ATL2: variants seen among roughly 807,000 people sequenced by gnomAD.
ATL2 encodes the protein atlastin-2.
ATL2 carries 31 observed loss-of-function variants against 73.9 expected under a neutral mutation model. The ratio of observed to expected loss-of-function variants is 0.42; its 90% confidence interval spans 0.32 to 0.57. The LOEUF (loss-of-function observed/expected upper bound fraction) is 0.57, where lower values mean the gene tolerates loss of function less well. ATL2 is among the 20% of genes least tolerant of loss of function. The probability of loss-of-function intolerance (pLI) is 0.14; values close to 1 mark genes in which losing one functional copy is unlikely to be tolerated. For missense variants in ATL2, 738 were observed against 702.6 expected (o/e 1.05, Z -0.57); for synonymous variants, 291 against 237.5 (o/e 1.23, Z -2.07).
At chr2:38,346,321 C>A (rs1670013269) in intron 1 of ATL2, among the ~76,000 whole-genome samples, 1 of 152,270 alleles carries the variant, frequency 6.6e-6, no homozygotes, top group South Asian at 2.1e-4. Flanking sequence ...CTAATCTCCA[C>A]AGAGTAGCAA....
At chr2:38,361,669 T>C (rs1263269048) in intron 1 of ATL2, among the ~76,000 whole-genome samples, 1 of 152,214 alleles carries the variant, frequency 6.6e-6, no homozygotes, top group African/African-American at 2.4e-5. Flanking sequence ...GTATCTATTT[T>C]ATCTTTCTCT....
At chr2:38,307,871 C>G (rs1404626706) in intron 9 of ATL2, among the ~76,000 whole-genome samples, 1 of 152,128 alleles carries the variant, frequency 6.6e-6, no homozygotes, top group Non-Finnish European at 1.5e-5. Flanking sequence ...CATCACTGAT[C>G]ATCAGAGAAA....
At chr2:38,377,978 C>G (rs1357933098), upstream of ATL2, among the ~76,000 whole-genome samples, 1 of 152,172 alleles carries the variant, frequency 6.6e-6, no homozygotes, top group Non-Finnish European at 1.5e-5. Flanking sequence ...AGAGGCATGC[C>G]AGAAAGCACT....
chr2:38,335,452 C>G (rs1669296831), intron 2 of ATL2, among the ~76,000 whole-genome samples: 1 of 152,114 alleles, frequency 6.6e-6, no homozygotes, highest in South Asian at 2.1e-4. Context: ...TGTGCATACA[C>G]CAGCCTTAAT....
At chr2:38,352,919 C>A (rs1464940891) in intron 1 of ATL2, among the ~76,000 whole-genome samples, 1 of 152,222 alleles carries the variant, frequency 6.6e-6, no homozygotes, top group African/African-American at 2.4e-5. Context: ...CACAGACCCA[C>A]ACTAACGAAG....
chr2:38,377,403 GCCCTCCGCCTGTATCTCCTCGCCCT>G (rs1672057458), upstream of ATL2: 1 of 656,860 alleles, frequency 1.5e-6, no homozygotes, highest in African/African-American at 2.0e-5. Flanking sequence ...GTATCTCCTC[GCCCTCCGCCTGTATCTCCTCGCCCT>G]CCCTCCGCCC....
At chr2:38,307,373 T>C (rs1208532337) in intron 9 of ATL2, among the ~76,000 whole-genome samples, 2 of 149,444 alleles carry the variant, frequency 1.3e-5, no homozygotes, top group Non-Finnish European at 1.5e-5. Context: ...TTTTTTGAAA[T>C]GGAGCCTTGC....
intron 1 of ATL2, among the ~76,000 whole-genome samples, chr2:38,364,664 T>C (rs12990741): frequency 6.6e-6 from 1 of 152,234 alleles, no homozygotes; most frequent in Admixed American, 6.5e-5. Context: ...CAAGATTTTG[T>C]AGCACACGGA....
intron 1 of ATL2, among the ~76,000 whole-genome samples, chr2:38,372,154 A>C (rs1442471054): frequency 7.2e-6 from 1 of 138,382 alleles, no homozygotes; most frequent in Non-Finnish European, 1.5e-5. Flanking sequence ...AATCCTGTGC[A>C]TAACAGACCC....
chr2:38,358,843 A>G (rs1217575742), intron 1 of ATL2, among the ~76,000 whole-genome samples: 2 of 152,216 alleles, frequency 1.3e-5, no homozygotes, highest in Non-Finnish European at 2.9e-5. Context: ...CCACAAGACT[A>G]TTGCAGCCTG....
intron 2 of ATL2, among the ~76,000 whole-genome samples, chr2:38,341,050 G>A (rs1030358453): frequency 6.6e-6 from 1 of 152,128 alleles, no homozygotes; most frequent in Non-Finnish European, 1.5e-5. Flanking sequence ...GATCAGAGAT[G>A]GAAACAGAAA....
At chr2:38,310,701 A>C (rs1667712106) in intron 7 of ATL2, among the ~76,000 whole-genome samples, 1 of 149,096 alleles carries the variant, frequency 6.7e-6, no homozygotes, top group African/African-American at 2.5e-5. Flanking sequence ...GCAATGGTGC[A>C]ATCTCGGCTC....
At chr2:38,325,699 TACACACACACACACACACACACACAC>T (rs1221635411) in intron 2 of ATL2, among the ~76,000 whole-genome samples, 25 of 11,312 alleles carry the variant, frequency 2.2e-3, no homozygotes, top group African/African-American at 3.8e-3. Context: ...CACACACCAG[TACACACACACACACACACACACACAC>T]ACACACACAC....
chr2:38,294,640 CAA>C lies in ATL2; in HGVS notation c.*1352_*1353del, dbSNP rs34388748. On this transcript the variant is annotated 3_prime_UTR_variant, in exon 13 of 13. Coordinates refer to ENST00000378954, the MANE Select transcript of ATL2 (RefSeq NM_001135673.4). ...AAAATGCTAGCCTTACATATACCAC[CAA>C]AAAAAAAAAAAGAGAGAGAAAGAAA... Among the ~76,000 whole-genome samples the C allele has an allele frequency of 1.3e-3, 180 of 142,314 alleles. No homozygotes were observed. Among genetic ancestry groups the C allele is most frequent in the African/African-American group, 3.2e-3 (124 of 38,492 alleles). 93.4% of individuals were successfully genotyped at this position (142,314 alleles called of 152,430 possible). A position where few individuals can be genotyped will look rare whatever the true frequency, so the allele number is the denominator to read the frequency against.
At chr2:38,320,051 G>C (rs1033807411) in intron 2 of ATL2, among the ~76,000 whole-genome samples, 8 of 152,100 alleles carry the variant, frequency 5.3e-5, no homozygotes, top group Admixed American at 2.0e-4. Flanking sequence ...AGGTTGCAGT[G>C]AGCAGAGATC....
At position 38,318,980 on chromosome 2, in the gene ATL2, T is replaced by C. The variant is rs1242569813; in HGVS notation, c.403A>G (p.Thr135Ala). 1 of 1,614,044 alleles carries C rather than the reference T, an allele frequency of 6.2e-7. No individual in the cohort carries two copies. Among genetic ancestry groups the C allele is most frequent in the South Asian group, 1.1e-5 (1 of 91,068 alleles). ...CAGCCACCTCGCCATGTAAAGCCTG[T>C]CAATGGTTCATTGTTTCCACCAATC... is the stretch of plus-strand genomic sequence containing the variant. ...SWIGGNNEPL[T>A]GFTWRGGCER... The change falls in exon 3 of 13, where the codon ACA (threonine) becomes GCA (alanine). Residue 135 changes from threonine to alanine, a missense_variant. Thr to Ala is a moderately conservative substitution (Grantham distance 58). Coordinates refer to ENST00000378954, the MANE Select transcript of ATL2 (RefSeq NM_001135673.4).
At chr2:38,348,599 T>C (rs1297740230) in intron 1 of ATL2, among the ~76,000 whole-genome samples, 4 of 151,754 alleles carry the variant, frequency 2.6e-5, no homozygotes, top group Non-Finnish European at 5.9e-5. Flanking sequence ...TTGCTCTTAT[T>C]GTAAAGAAAG....
chr2:38,337,515 A>AAAAAAC (rs1669437714), intron 2 of ATL2, among the ~76,000 whole-genome samples: 1 of 146,624 alleles, frequency 6.8e-6, no homozygotes, highest in African/African-American at 2.6e-5. Context: ...AAAAAAAAAA[A>AAAAAAC]AAGGCAGTTG....
Position 38,330,478 on chromosome 2 carries a change from A to T in ATL2, c.364-11459T>A, listed in dbSNP as rs565481479. Among the ~76,000 whole-genome samples, 3 of 152,310 alleles carry T rather than the reference A, an allele frequency of 2.0e-5. No individual in the cohort carries two copies. The East Asian group carries it at 5.8e-4, about 29-fold the overall frequency. The stretch of plus-strand genomic sequence containing the variant: ...AAGAAGTAAAACAATCATCATTTGC[A>T]GATGACATGATGTTGTATATAGAAA... On this transcript the variant is annotated intron_variant, in intron 2 of 12. Transcript: ENST00000378954.
Sources: allele counts gnomAD v4.1 joint callset (sites outside exome capture counted in the v4.1 genomes callset), GRCh38; gene constraint gnomAD v4.1.1; transcripts MANE v1.5; gene names NCBI Gene and HGNC (gene_info 2026-07-23, HGNC 2026-07-21).